The following ZNF490 variants were observed in gnomAD, a reference collection of about 807,000 sequenced individuals.
ZNF490 encodes zinc finger protein 490.
Under a neutral mutation model 17.7 loss-of-function variants are expected in ZNF490, and 11 were observed. That is an observed-to-expected ratio of 0.62 (90% confidence interval 0.39 to 1.03). ZNF490 has a LOEUF of 1.03. Ranked by LOEUF, ZNF490 falls within the 50% of genes least tolerant of loss-of-function variation. ZNF490 has a pLI of 0.00. For synonymous variants in ZNF490, 222 were observed against 216.1 expected (o/e 1.03, Z -0.24); for missense variants, 542 against 643.4 (o/e 0.84, Z 1.71).
chr19:12,583,668 G>C, intron 2 of ZNF490, 112 bp from the exon 3 acceptor site: 1 of 1,087,536 alleles, frequency 9.2e-7, no homozygotes, highest in South Asian at 2.0e-5. Flanking sequence ...CGGTTTAGTG[G>C]TATAACTTGG....
chr19:12,577,870 C>T lies in ZNF490; in HGVS notation c.*2615G>A. The stretch of plus-strand genomic sequence containing the variant: ...CCACCTCCCTTCTAAAACACACTGA[C>T]TTGCTAAGAAAAGGGGGGACTGACT... On this transcript the variant is annotated 3_prime_UTR_variant, in exon 5 of 5. Coordinates refer to ENST00000311437, the MANE Select transcript of ZNF490 (RefSeq NM_020714.3). 1 of 985,310 alleles carries T rather than the reference C, an allele frequency of 1.0e-6. No homozygotes were observed. Among genetic ancestry groups the T allele is most frequent in the African/African-American group, 1.7e-5 (1 of 57,212 alleles). 61.0% of individuals were successfully genotyped at this position (985,310 alleles called of 1,614,324 possible). A position where few individuals can be genotyped will look rare whatever the true frequency, so the allele number is the denominator to read the frequency against.
chr19:12,589,074 C>A (rs142709574), intron 2 of ZNF490, among the ~76,000 whole-genome samples: 13 of 152,156 alleles, frequency 8.5e-5, no homozygotes, highest in Admixed American at 2.0e-4. Flanking sequence ...GTAATCCCAG[C>A]GCTTTGGGAG....
In ZNF490 at chr19:12,583,539, C is replaced by T. The variant is rs754898241; in HGVS notation, c.180G>A (p.Glu60=). The change falls in exon 3 of 5, where the codon GAG becomes GAA. Residue 60 remains glutamate (E), a synonymous_variant. Coordinates refer to ENST00000311437, the MANE Select transcript of ZNF490 (RefSeq NM_020714.3). ...CCAGGGTGAAGTTCACAGCCACATC[C>T]TCAAGGGAGATGGAGTCCTAAAACA... is the stretch of plus-strand genomic sequence containing the variant. ...IKTQTDSISL[E]DVAVNFTLEE... is the part of the protein sequence containing the mutation. 2 of 1,601,370 alleles carry T rather than the reference C, an allele frequency of 1.2e-6. No homozygotes were observed. The highest frequency in any genetic ancestry group is 2.2e-5 in the South Asian group (2 of 90,854).
In ZNF490 at chr19:12,588,005, A is replaced by G. The variant is rs1220885678; in HGVS notation, c.163-4449T>C. 1.4e-4 allele frequency among the ~76,000 whole-genome samples: 13 copies of G among 94,384 alleles called. 3 individuals carry two copies. Among genetic ancestry groups the G allele is most frequent in the East Asian group, 4.1e-4 (2 of 4,930 alleles). The allele number at this position is 94,384 out of a possible 152,430, so 61.9% of individuals were successfully genotyped here. A position where few individuals can be genotyped will look rare whatever the true frequency, so the allele number is the denominator to read the frequency against. On this transcript the variant is annotated intron_variant, in intron 2 of 4. Transcript: ENST00000311437. ...CTGCCTCAGCCTCCTGAGTAGCTGG[A>G]ATTGCAGGCACCTGCCACCACGCCT...
In ZNF490 at chr19:12,582,842, C is replaced by T. The variant is rs763168082; in HGVS notation, c.350+8G>A. 7.5e-6 allele frequency: 12 copies of T among 1,603,170 alleles called. No individual in the cohort carries two copies. Among genetic ancestry groups the T allele is most frequent in the African/African-American group, 1.3e-5 (1 of 74,758 alleles). Reference sequence around the variant, plus strand: ...GGGGCTATATAATTATTTGTGAATGCAACTCACCTTAGATTTCTTCCCTGG... The same window carrying T: ...GGGGCTATATAATTATTTGTGAATGTAACTCACCTTAGATTTCTTCCCTGG... On this transcript the variant is annotated splice_region_variant and intron_variant, in intron 4 of 4. Transcript: ENST00000311437.
intron 2 of ZNF490, chr19:12,597,240 A>C (rs1192643096): frequency 1.3e-5 from 6 of 456,226 alleles, no homozygotes; most frequent in Non-Finnish European, 2.2e-5. Flanking sequence ...GCAGAGCCAC[A>C]GACAGTCCGA....
At chr19:12,596,377 A>G (rs1472331537) in intron 2 of ZNF490, among the ~76,000 whole-genome samples, 3 of 152,160 alleles carry the variant, frequency 2.0e-5, no homozygotes, top group Non-Finnish European at 4.4e-5. Context: ...AAAACTCACA[A>G]TCGAAAGGTA....
Position 12,580,297 on chromosome 19 carries a change from G to GA in ZNF490, c.*187dup. 7.2e-7 allele frequency: 1 copy of GA among 1,391,342 alleles called. No individual in the cohort carries two copies. The allele number at this position is 1,391,342 out of a possible 1,614,324, so 86.2% of individuals were successfully genotyped here. A position where few individuals can be genotyped will look rare whatever the true frequency, so the allele number is the denominator to read the frequency against. On this transcript the variant is annotated 3_prime_UTR_variant, in exon 5 of 5. Coordinates refer to ENST00000311437, the MANE Select transcript of ZNF490 (RefSeq NM_020714.3). ...CATTCACATATCTGCAATCCCGCAG[G>GA]AGAGTGCAAGTTCCTCCCCCATTTG...
rs984076212 is a variant in ZNF490 at position 12,577,244 on chromosome 19, T to C, written c.*3241A>G. Among the ~76,000 whole-genome samples, 1 of 152,106 alleles carries C rather than the reference T, an allele frequency of 6.6e-6. No individual in the cohort carries two copies. The highest frequency in any genetic ancestry group is 6.5e-5 in the Admixed American group (1 of 15,270). On this transcript the variant is annotated 3_prime_UTR_variant, in exon 5 of 5. Transcript: ENST00000311437. ...TACACAAAAGGGTTTTACAAAAACA[T>C]CATCATAGACCCACATATACTTGTC... is the stretch of plus-strand genomic sequence containing the variant.
At chr19:12,601,418 G>T (rs2023002227) in intron 2 of ZNF490, among the ~76,000 whole-genome samples, 1 of 151,622 alleles carries the variant, frequency 6.6e-6, no homozygotes, top group African/African-American at 2.4e-5. Context: ...AAGAATTGGG[G>T]TCTCACTCTG....
intron 4 of ZNF490, among the ~76,000 whole-genome samples, chr19:12,582,074 A>G (rs1183920300): frequency 2.6e-5 from 4 of 151,998 alleles, no homozygotes; most frequent in Admixed American, 2.6e-4. Context: ...GACATGCACC[A>G]CCACGCCCCG....
intron 2 of ZNF490, among the ~76,000 whole-genome samples, chr19:12,605,930 G>A (rs2145167938): frequency 6.6e-6 from 1 of 151,708 alleles, no homozygotes; most frequent in Middle Eastern, 3.4e-3. Context: ...TTGTTGCCCA[G>A]GCTGGCGTGC....
rs1386501860 is a variant in ZNF490 at position 12,580,053 on chromosome 19, G to A, written c.*432C>T. 15 of 767,360 alleles carry A rather than the reference G, an allele frequency of 2.0e-5. 1 individual carries two copies. In the East Asian group the frequency reaches 1.8e-3, roughly 91 times the overall value. The allele number at this position is 767,360 out of a possible 1,614,324, so 47.5% of individuals were successfully genotyped here. ...ATCCGGGAGGCGGAGGTTGCGGTGA[G>A]CCGCGATCGCACCACTGCACTCCAG... On this transcript the variant is annotated 3_prime_UTR_variant, in exon 5 of 5. Transcript: ENST00000311437.
At chr19:12,597,351 AGTTT>A in intron 2 of ZNF490, 1 of 328,436 alleles carries the variant, frequency 3.0e-6, no homozygotes, top group Non-Finnish European at 6.3e-6. Context: ...CTGACTGGAC[AGTTT>A]GTGTGCCCCC....
chr19:12,596,916 C>T (rs894159858), intron 2 of ZNF490, among the ~76,000 whole-genome samples: 10 of 152,354 alleles, frequency 6.6e-5, no homozygotes, highest in African/African-American at 2.4e-4. Context: ...GTGGCCCCTG[C>T]ACAATCTTCG....
intron 2 of ZNF490, among the ~76,000 whole-genome samples, chr19:12,606,126 C>T (rs2023066113): frequency 6.6e-6 from 1 of 151,930 alleles, no homozygotes; most frequent in Non-Finnish European, 1.5e-5. Flanking sequence ...GTGATCCACC[C>T]ACCTCGGCCT....
At chr19:12,606,268 T>C (rs1299281083) in intron 2 of ZNF490, among the ~76,000 whole-genome samples, 1 of 151,674 alleles carries the variant, frequency 6.6e-6, no homozygotes, top group African/African-American at 2.4e-5. Context: ...TCATAGGTCA[T>C]TGTAGCCTCC....
intron 2 of ZNF490, among the ~76,000 whole-genome samples, chr19:12,594,528 G>A (rs1412257550): frequency 6.6e-6 from 1 of 151,982 alleles, no homozygotes; most frequent in Non-Finnish European, 1.5e-5. Flanking sequence ...GGCACTAACA[G>A]GAGTGCCTGC....
intron 2 of ZNF490, among the ~76,000 whole-genome samples, chr19:12,589,054 G>C (rs1429550190): frequency 6.6e-6 from 1 of 152,168 alleles, no homozygotes; most frequent in East Asian, 1.9e-4. Flanking sequence ...AGGTATGGTG[G>C]CTCACGCCTG....
Sources: gnomAD v4.1 joint callset for allele counts (sites outside exome capture counted in the v4.1 genomes callset) on GRCh38, gnomAD v4.1.1 for gene constraint, MANE v1.5 for transcripts, NCBI Gene and HGNC (gene_info 2026-07-23, HGNC 2026-07-21) for gene names.